The following KANSL1 variants were observed in gnomAD, a reference collection of about 807,000 sequenced individuals.
KANSL1 encodes the protein KAT8 regulatory NSL complex subunit 1.
A neutral mutation model predicts 103.6 loss-of-function variants in KANSL1; 22 were observed. That is an observed-to-expected ratio of 0.21 (90% CI 0.15 to 0.30). The LOEUF is 0.30. Among genes scored for constraint, KANSL1 ranks in the 10% least tolerant of loss-of-function variants. The pLI, the probability that KANSL1 is intolerant of heterozygous loss-of-function variation, is 1.00. For missense variants in KANSL1, 1,337 were observed against 1,399.8 expected, an observed-to-expected ratio of 0.96 and a Z score of 0.72; for synonymous variants, 600 against 527.6, an observed-to-expected ratio of 1.14 and a Z score of -1.88.
At chr17:46,061,021 C>T (rs577784793) in intron 6 of KANSL1, among the ~76,000 whole-genome samples, 18 of 152,132 alleles carry the variant, frequency 1.2e-4, no homozygotes, top group Admixed American at 8.5e-4. Flanking sequence ...GAAAGAAATG[C>T]TATTAAGGGC....
intron 2 of KANSL1, among the ~76,000 whole-genome samples, chr17:46,126,341 C>T (rs2043555780): frequency 6.6e-6 from 1 of 152,106 alleles, no homozygotes; most frequent in Non-Finnish European, 1.5e-5. Context: ...ACTCGGGAAG[C>T]TGAGACAGGA....
chr17:46,159,609 T>C (rs1345408674), intron 2 of KANSL1, among the ~76,000 whole-genome samples: 3 of 152,264 alleles, frequency 2.0e-5, no homozygotes, highest in Non-Finnish European at 2.9e-5. Flanking sequence ...AAGAGTTTTC[T>C]TGAGGAAAAT....
At chr17:46,185,598 CA>C (rs143661996) in intron 1 of KANSL1, among the ~76,000 whole-genome samples, 33 of 143,558 alleles carry the variant, frequency 2.3e-4, no homozygotes, top group Middle Eastern at 3.6e-3. Context: ...AACTGGAATA[CA>C]AAAAAAAAAC....
chr17:46,141,594 G>A (rs1045163916), intron 2 of KANSL1, among the ~76,000 whole-genome samples: 5 of 152,202 alleles, frequency 3.3e-5, no homozygotes, highest in Admixed American at 2.0e-4. Context: ...GACAATCAGA[G>A]AGTGTATACT....
At chr17:46,113,316 C>A (rs1044666323) in intron 2 of KANSL1, among the ~76,000 whole-genome samples, 3 of 152,202 alleles carry the variant, frequency 2.0e-5, no homozygotes, top group African/African-American at 7.2e-5. Context: ...CACGTGTTTG[C>A]AGGTTCTTTG....
At chr17:46,195,658 C>T (rs979328633), upstream of KANSL1, among the ~76,000 whole-genome samples, 13 of 152,226 alleles carry the variant, frequency 8.5e-5, no homozygotes, top group Non-Finnish European at 1.8e-4. Context: ...CAGGCTCAGG[C>T]GATCCTACCT....
intron 4 of KANSL1, among the ~76,000 whole-genome samples, chr17:46,074,954 A>G (rs1204827861): frequency 6.6e-6 from 1 of 152,102 alleles, no homozygotes; most frequent in East Asian, 1.9e-4. Context: ...AGAAGGGTAC[A>G]GTATCTTCTG....
chr17:46,062,032 C>A (rs2078176960), intron 6 of KANSL1, among the ~76,000 whole-genome samples: 1 of 135,352 alleles, frequency 7.4e-6, no homozygotes, highest in South Asian at 2.4e-4. Flanking sequence ...GCGGAGGCTG[C>A]AGTGAGCTGA....
At chr17:46,132,695 C>A (rs2043923609) in intron 2 of KANSL1, among the ~76,000 whole-genome samples, 1 of 152,194 alleles carries the variant, frequency 6.6e-6, no homozygotes, top group African/African-American at 2.4e-5. Context: ...TGCCTGCAAT[C>A]CCGACATTTT....
chr17:46,185,113 C>T (rs1383365844), intron 1 of KANSL1, among the ~76,000 whole-genome samples: 4 of 152,188 alleles, frequency 2.6e-5, no homozygotes, highest in Non-Finnish European at 5.9e-5. Context: ...AGGCATGAGC[C>T]GCCACGCCTG....
At chr17:46,088,191 A>G (rs1303987240) in intron 3 of KANSL1, among the ~76,000 whole-genome samples, 2 of 152,184 alleles carry the variant, frequency 1.3e-5, no homozygotes, top group Non-Finnish European at 2.9e-5. Context: ...TGCAGCCTTA[A>G]TACCTCCTAA....
chr17:46,063,440 T>G (rs888281663), intron 6 of KANSL1, among the ~76,000 whole-genome samples: 18 of 152,146 alleles, frequency 1.2e-4, no homozygotes, highest in Admixed American at 5.9e-4. Context: ...ACCACTGAGG[T>G]CATGTCATGA....
At chr17:46,176,409 A>G (rs966586736) in intron 1 of KANSL1, among the ~76,000 whole-genome samples, 2 of 152,172 alleles carry the variant, frequency 1.3e-5, no homozygotes, top group South Asian at 2.1e-4. Context: ...CATCTACTCC[A>G]GCTGGGCACA....
chr17:46,041,799 T>A (rs935559551), intron 7 of KANSL1: 1 of 152,194 alleles, frequency 6.6e-6, no homozygotes, highest in Non-Finnish European at 1.5e-5. Context: ...ACAGTTATCT[T>A]GTCTTTATCC....
chr17:46,195,946 G>C (rs1200222434), upstream of KANSL1: 1 of 159,244 alleles, frequency 6.3e-6, no homozygotes, highest in Non-Finnish European at 1.4e-5. Context: ...AACAAAAAAA[G>C]ATTTAAAGAA....
chr17:46,088,357 C>T (rs2079244702), intron 3 of KANSL1: 1 of 152,314 alleles, frequency 6.6e-6, no homozygotes, highest in African/African-American at 2.4e-5. Context: ...CCACAAGAAT[C>T]ACCCTGGGCT....
At chr17:46,203,232 TC>T (rs139293294) in intron 1 of KANSL1, among the ~76,000 whole-genome samples, 16,999 of 149,546 alleles carry the variant, frequency 0.11, no homozygotes, top group Non-Finnish European at 0.17. Flanking sequence ...CAGAGCAGAC[TC>T]CGTCTCAAAA....
chr17:46,211,113 G>C (rs2048154857), intron 1 of KANSL1, among the ~76,000 whole-genome samples: 1 of 151,280 alleles, frequency 6.6e-6, no homozygotes, highest in African/African-American at 2.4e-5. Context: ...GAAAAGTAAG[G>C]CATTTACAGG....
chr17:46,163,238 G>C (rs575488717), intron 2 of KANSL1, among the ~76,000 whole-genome samples: 1 of 152,184 alleles, frequency 6.6e-6, no homozygotes, highest in Admixed American at 6.5e-5. Context: ...GCATGTAGCA[G>C]GCATTCAATG....
Sources: gnomAD v4.1 joint callset for allele counts (sites outside exome capture counted in the v4.1 genomes callset) on GRCh38, gnomAD v4.1.1 for gene constraint, MANE v1.5 for transcripts, NCBI Gene and HGNC (gene_info 2026-07-23, HGNC 2026-07-21) for gene names.